PCDH15: variants seen among roughly 807,000 people sequenced by gnomAD.
PCDH15 encodes the protein protocadherin related 15.
A neutral mutation model predicts 178.5 loss-of-function variants in PCDH15; 129 were observed. The observed-to-expected ratio is 0.72, with a 90% CI of 0.63 to 0.84. The LOEUF (loss-of-function observed/expected upper bound fraction) is 0.84. Ranked by LOEUF, PCDH15 falls within the 40% of genes least tolerant of loss-of-function variation. PCDH15 has a pLI of 0.00. For missense variants in PCDH15, 2,230 were observed against 2,099.9 expected (o/e 1.06, Z -1.21); for synonymous variants, 800 against 732.0 (o/e 1.09, Z -1.50).
chr10:54,799,735 C>T (rs1298516386), intron 1 of PCDH15, among the ~76,000 whole-genome samples: 1 of 152,028 alleles, frequency 6.6e-6, no homozygotes, highest in East Asian at 1.9e-4. Context: ...AGTCCACAGT[C>T]AAGGGGATCA....
At chr10:55,199,827 G>T (rs555144533) in intron 1 of PCDH15, among the ~76,000 whole-genome samples, 2 of 152,202 alleles carry the variant, frequency 1.3e-5, no homozygotes, top group African/African-American at 2.4e-5. Flanking sequence ...TGCACCAGGG[G>T]GTGCAAGCCC....
At chr10:55,274,935 T>G (rs931019702) in intron 1 of PCDH15, among the ~76,000 whole-genome samples, 4 of 152,112 alleles carry the variant, frequency 2.6e-5, no homozygotes, top group African/African-American at 4.8e-5. Flanking sequence ...CTCACTGGCC[T>G]GTTGCTCACC....
chr10:54,822,611 C>A (rs1053461511), intron 3 of PCDH15, among the ~76,000 whole-genome samples: 3 of 152,072 alleles, frequency 2.0e-5, no homozygotes, highest in African/African-American at 7.2e-5. Flanking sequence ...GTGCAAGTAT[C>A]TTTTCAATAT....
intron 16 of PCDH15, among the ~76,000 whole-genome samples, chr10:54,087,361 G>T (rs2094531163): frequency 1.3e-5 from 2 of 152,190 alleles, no homozygotes; most frequent in East Asian, 3.9e-4. Flanking sequence ...TTATAGATGT[G>T]CCTATTATGA....
At chr10:54,383,766 T>C (rs1949560825) in intron 3 of PCDH15, among the ~76,000 whole-genome samples, 1 of 151,772 alleles carries the variant, frequency 6.6e-6, no homozygotes, top group Non-Finnish European at 1.5e-5. Flanking sequence ...GCAGTTCTGT[T>C]CATTAGAAAA....
chr10:53,842,511 T>C (rs1419228269), intron 28 of PCDH15, among the ~76,000 whole-genome samples: 1 of 152,150 alleles, frequency 6.6e-6, no homozygotes, highest in Non-Finnish European at 1.5e-5. Context: ...CCTTTCAAAG[T>C]GCTGGGATTA....
chr10:54,863,169 G>A (rs756914676), intron 3 of PCDH15, among the ~76,000 whole-genome samples: 3 of 152,014 alleles, frequency 2.0e-5, no homozygotes, highest in African/African-American at 7.2e-5. Context: ...TTAATTTTAC[G>A]ATGGTAGCAT....
chr10:54,160,373 A>G lies in PCDH15; in HGVS notation c.1591-7080T>C, dbSNP rs1351274196. Among the ~76,000 whole-genome samples, 3 of 152,216 alleles carry G rather than the reference A, an allele frequency of 2.0e-5. No individual in the cohort carries two copies. The East Asian group carries it at 5.8e-4, about 29-fold the overall frequency. On this transcript the variant is annotated intron_variant, in intron 13 of 37. Coordinates refer to ENST00000644397, the MANE Select transcript of PCDH15 (RefSeq NM_001384140.1). The stretch of plus-strand genomic sequence containing the variant: ...AGGACAAGGGAAGAATACTGTAAAA[A>G]TAAACATGAACTGAGAGATTTACCT...
intron 2 of PCDH15, among the ~76,000 whole-genome samples, chr10:55,544,005 G>C (rs1207469638): frequency 6.7e-6 from 1 of 150,280 alleles, no homozygotes. Flanking sequence ...ATTACTTACT[G>C]GTATAAATAA....
intron 1 of PCDH15, among the ~76,000 whole-genome samples, chr10:55,219,986 A>G (rs1840824404): frequency 6.6e-6 from 1 of 151,912 alleles, no homozygotes; most frequent in Non-Finnish European, 1.5e-5. Context: ...AAGGGACCAC[A>G]TGCTATGGTA....
intron 2 of PCDH15, among the ~76,000 whole-genome samples, chr10:55,504,867 T>G (rs1415218134): frequency 2.6e-5 from 4 of 151,468 alleles, no homozygotes; most frequent in Non-Finnish European, 4.4e-5. Context: ...GAAACAAAAT[T>G]ATTTACTGAG....
chr10:53,823,329 C>T, intron 32 of PCDH15: 2 of 1,613,706 alleles, frequency 1.2e-6, no homozygotes, highest in Non-Finnish European at 1.7e-6. Context: ...ATTTCCCCTG[C>T]TTTGTTGAAA....
intron 8 of PCDH15, among the ~76,000 whole-genome samples, chr10:54,247,681 T>A (rs766666683): frequency 2.0e-5 from 3 of 151,728 alleles, no homozygotes; most frequent in African/African-American, 7.3e-5. Flanking sequence ...AACATTCCAA[T>A]AGAATGAACG....
intron 2 of PCDH15, among the ~76,000 whole-genome samples, chr10:55,585,857 C>T (rs1842717983): frequency 6.6e-6 from 1 of 151,936 alleles, no homozygotes; most frequent in South Asian, 2.1e-4. Context: ...GGATAATTTG[C>T]TTGTCAAATT....
intron 2 of PCDH15, among the ~76,000 whole-genome samples, chr10:55,487,971 T>A (rs147807685): frequency 0.012 from 1,768 of 151,662 alleles, 18 homozygotes; most frequent in Admixed American, 0.018. Context: ...GAGAGAATGG[T>A]TAGCCTTCAG....
intron 1 of PCDH15, among the ~76,000 whole-genome samples, chr10:55,203,434 A>G (rs1840308492): frequency 6.6e-6 from 1 of 151,970 alleles, no homozygotes; most frequent in Admixed American, 6.6e-5. Flanking sequence ...TATTACCCAT[A>G]TTTTTAAAGA....
chr10:54,754,413 T>G (rs1946782437), intron 1 of PCDH15, among the ~76,000 whole-genome samples: 1 of 152,068 alleles, frequency 6.6e-6, no homozygotes, highest in Non-Finnish European at 1.5e-5. Flanking sequence ...TCACTACATA[T>G]CAAATATAAT....
chr10:54,427,904 G>A (rs1394358024), intron 3 of PCDH15, among the ~76,000 whole-genome samples: 2 of 152,116 alleles, frequency 1.3e-5, no homozygotes, highest in African/African-American at 4.8e-5. Context: ...TCTGTAGTAT[G>A]AGTAGCTACA....
Position 55,546,856 on chromosome 10 carries a change from T to G in PCDH15, c.-156+80769A>C, listed in dbSNP as rs959488810. On this transcript the variant is annotated intron_variant, in intron 2 of 5. Coordinates refer to the PCDH15 transcript ENST00000613346. Reference sequence around the variant, plus strand: ...GGAATTAGAATAACAAGAAAATTTTTGGGAGAAACAACAGGGAAAGATGAA... The same window carrying G: ...GGAATTAGAATAACAAGAAAATTTTGGGGAGAAACAACAGGGAAAGATGAA... Among the ~76,000 whole-genome samples the G allele has an allele frequency of 7.9e-5, 12 of 152,014 alleles. No individual in the cohort carries two copies. In the East Asian group the frequency reaches 9.6e-4, roughly 12 times the overall value.
Sources: allele counts gnomAD v4.1 joint callset (sites outside exome capture counted in the v4.1 genomes callset), GRCh38; gene constraint gnomAD v4.1.1; transcripts MANE v1.5; gene names NCBI Gene and HGNC (gene_info 2026-07-23, HGNC 2026-07-21).